Variants in STK3 observed in about 807,000 individuals in gnomAD.
The protein encoded by STK3 is serine/threonine-protein kinase 3.
STK3 carries 41 observed loss-of-function variants against 58.0 expected under a neutral mutation model. The observed-to-expected ratio is 0.71, with a 90% CI of 0.55 to 0.92. The LOEUF (loss-of-function observed/expected upper bound fraction) is 0.92, where lower values mean the gene tolerates loss of function less well. STK3 is among the 40% of genes least tolerant of loss of function. The pLI is 0.00. For missense variants in STK3, 479 were observed against 602.7 expected (o/e 0.79, Z 2.15); for synonymous variants, 170 against 191.0 (o/e 0.89, Z 0.91).
At chr8:98,821,026 C>A (rs1303562801) in intron 1 of STK3, among the ~76,000 whole-genome samples, 1 of 151,974 alleles carries the variant, frequency 6.6e-6, no homozygotes, top group African/African-American at 2.4e-5. Context: ...TCCATCTAAC[C>A]AAAATGCTAA....
chr8:98,445,919 G>C (rs1007409189), intron 1 of STK3, among the ~76,000 whole-genome samples: 1 of 152,162 alleles, frequency 6.6e-6, no homozygotes, highest in Non-Finnish European at 1.5e-5. Flanking sequence ...GCTCCAACTG[G>C]TGTTAATTTA....
chr8:98,858,122 C>T (rs1317775930), intron 3 of STK3, among the ~76,000 whole-genome samples: 1 of 151,092 alleles, frequency 6.6e-6, no homozygotes, highest in African/African-American at 2.4e-5. Context: ...GTGGCTCATG[C>T]CTGTAATCCC....
intron 9 of STK3, among the ~76,000 whole-genome samples, chr8:98,528,111 G>A (rs766153372): frequency 2.2e-4 from 33 of 151,936 alleles, no homozygotes; most frequent in Non-Finnish European, 4.4e-4. Flanking sequence ...ACTTATCATT[G>A]CAACTGTCTT....
At chr8:98,725,836 T>TC (rs1431615570) in intron 4 of STK3, among the ~76,000 whole-genome samples, 2 of 152,198 alleles carry the variant, frequency 1.3e-5, no homozygotes. Context: ...CATGTTTTTT[T>TC]CCCACAAGAA....
At chr8:98,641,712 T>C (rs1300890701) in intron 6 of STK3, among the ~76,000 whole-genome samples, 1 of 152,160 alleles carries the variant, frequency 6.6e-6, no homozygotes, top group Non-Finnish European at 1.5e-5. Context: ...AATGCTAAAA[T>C]ATGCATATGT....
chr8:98,837,161 A>G (rs537108744), intron 3 of STK3, among the ~76,000 whole-genome samples: 8 of 152,320 alleles, frequency 5.3e-5, no homozygotes, highest in Non-Finnish European at 1.2e-4. Flanking sequence ...CTAACTTTAT[A>G]TAAACACAAT....
intron 10 of STK3, among the ~76,000 whole-genome samples, chr8:98,479,839 G>A (rs193013897): frequency 2.6e-5 from 4 of 152,198 alleles, no homozygotes; most frequent in Non-Finnish European, 5.9e-5. Context: ...TGAGGTAAGA[G>A]AAGACATGCT....
chr8:98,346,603 C>CCACA, the STK3 span, among the ~76,000 whole-genome samples: 1 of 151,686 alleles, frequency 6.6e-6, no homozygotes, highest in Non-Finnish European at 1.5e-5. Context: ...AGATAAAAGA[C>CCACA]CACAACATTC....
intron 9 of STK3, among the ~76,000 whole-genome samples, chr8:98,540,380 C>A (rs1017125099): frequency 6.6e-6 from 1 of 152,184 alleles, no homozygotes; most frequent in African/African-American, 2.4e-5. Context: ...ACAATACATA[C>A]TTGTGAGGCT....
At chr8:98,380,834 A>G (rs1031222799) in intron 1 of STK3, among the ~76,000 whole-genome samples, 1 of 151,746 alleles carries the variant, frequency 6.6e-6, no homozygotes, top group African/African-American at 2.4e-5. Flanking sequence ...CTCATTGGGT[A>G]TTCTTTATCA....
At chr8:98,831,270 T>C (rs1835525859) in intron 3 of STK3, among the ~76,000 whole-genome samples, 1 of 152,200 alleles carries the variant, frequency 6.6e-6, no homozygotes, top group South Asian at 2.1e-4. Flanking sequence ...AGCTATTCAT[T>C]GAAACTACAA....
At position 98,596,340 on chromosome 8, in the gene STK3, T is replaced by C; in HGVS notation, c.685-171A>G. 9.5e-6 allele frequency: 6 copies of C among 628,680 alleles called. No homozygotes were observed. In the South Asian group the frequency reaches 1.2e-4, roughly 12 times the overall value. The allele number at this position is 628,680 out of a possible 1,614,324, so 38.9% of individuals were successfully genotyped here. On this transcript the variant is annotated intron_variant, in intron 6 of 10. Coordinates refer to ENST00000419617, the MANE Select transcript of STK3 (RefSeq NM_006281.4). The stretch of plus-strand genomic sequence containing the variant: ...AGGAAGCCAGTCCATCTGCTACTAA[T>C]GTAATCATTTCCCATTAAATTTCCT...
At chr8:98,473,019 C>T (rs1424945786) in intron 10 of STK3, among the ~76,000 whole-genome samples, 2 of 152,040 alleles carry the variant, frequency 1.3e-5, no homozygotes, top group African/African-American at 4.8e-5. Flanking sequence ...TTGTAAAGTG[C>T]CTTCAAAAAT....
chr8:98,772,092 TG>T (rs1831349231), intron 2 of STK3, among the ~76,000 whole-genome samples: 1 of 152,240 alleles, frequency 6.6e-6, no homozygotes, highest in Admixed American at 6.5e-5. Flanking sequence ...CCATAGATAC[TG>T]GCACAATGTG....
intron 1 of STK3, among the ~76,000 whole-genome samples, chr8:98,384,103 A>G (rs1817765887): frequency 6.6e-6 from 1 of 152,242 alleles, no homozygotes; most frequent in South Asian, 2.1e-4. Flanking sequence ...AGCCAGTTCT[A>G]GGCAAGATTA....
intron 4 of STK3, among the ~76,000 whole-genome samples, chr8:98,741,988 G>T (rs868792934): frequency 6.6e-6 from 1 of 152,042 alleles, no homozygotes; most frequent in Non-Finnish European, 1.5e-5. Context: ...TAGAAGAAAT[G>T]GATAAATTCC....
At chr8:98,366,035 C>T in the STK3 span, among the ~76,000 whole-genome samples, 1 of 152,158 alleles carries the variant, frequency 6.6e-6, no homozygotes, top group East Asian at 1.9e-4. Flanking sequence ...GAGGAGAGTT[C>T]AGTCATGGGT....
chr8:98,404,904 A>G (rs934091544), intron 3 of STK3, among the ~76,000 whole-genome samples: 1 of 152,186 alleles, frequency 6.6e-6, no homozygotes, highest in African/African-American at 2.4e-5. Flanking sequence ...CTGCTTAACA[A>G]TAAGCTGAAT....
At chr8:98,363,061 T>C in the STK3 span, among the ~76,000 whole-genome samples, 10 of 152,232 alleles carry the variant, frequency 6.6e-5, no homozygotes, top group African/African-American at 2.4e-4. Flanking sequence ...GAATGTATAC[T>C]CCACCCTCTT....
Sources: allele counts gnomAD v4.1 joint callset (sites outside exome capture counted in the v4.1 genomes callset), GRCh38; gene constraint gnomAD v4.1.1; transcripts MANE v1.5; gene names NCBI Gene and HGNC (gene_info 2026-07-23, HGNC 2026-07-21).